The following CLDN1 variants were observed in gnomAD, a reference collection of about 807,000 sequenced individuals.
The protein encoded by CLDN1 is claudin-1.
In CLDN1, 12 loss-of-function variants were observed where a neutral mutation model predicts 22.6. That is an observed-to-expected ratio of 0.53 (90% CI 0.34 to 0.86). The LOEUF (loss-of-function observed/expected upper bound fraction) is 0.86. CLDN1 is among the 40% of genes least tolerant of loss of function. CLDN1 has a pLI of 0.02. For missense variants in CLDN1, 250 were observed against 269.5 expected (o/e 0.93, Z 0.51); for synonymous variants, 99 against 103.8 (o/e 0.95, Z 0.28).
rs1379279429 is a variant in CLDN1, at chr3:190,308,434, T to A, written c.479A>T (p.Glu160Val). The change falls in exon 4 of 4, where the codon GAA (glutamate) becomes GTA (valine). Residue 160 changes from glutamate (E) to valine (V), a missense_variant. Physicochemically the swap from Glu to Val is moderately radical, Grantham distance 121. Transcript: ENST00000295522. ...GCCAGTGAAGAGAGCCTGACCAAAT[T>A]CGTACCTAAAAGGAAAAACCCATGT... ...DPMTPVNARY[E>V]FGQALFTGWA... The A allele has an allele frequency of 6.2e-7, 1 of 1,613,502 alleles. No homozygotes were observed. The highest frequency in any genetic ancestry group is 2.2e-5 in the East Asian group (1 of 44,876).
chr3:190,314,949 T>G (rs1340794956), intron 1 of CLDN1, among the ~76,000 whole-genome samples: 3 of 152,114 alleles, frequency 2.0e-5, no homozygotes, highest in African/African-American at 7.2e-5. Context: ...GACCACAGGT[T>G]TACCAGGAAG....
At chr3:190,317,108 T>C (rs971884217) in intron 1 of CLDN1, among the ~76,000 whole-genome samples, 6 of 152,210 alleles carry the variant, frequency 3.9e-5, no homozygotes, top group Admixed American at 2.6e-4. Flanking sequence ...TTGGATGAGA[T>C]AGATGTTGTA....
rs3774028 is a variant in CLDN1 at position 190,310,483 on chromosome 3, A to T, written c.389-230T>A. Among the ~76,000 whole-genome samples, 38,005 of 152,108 alleles carry T rather than the reference A, an allele frequency of 0.25. 5,755 individuals are homozygous for T. The highest frequency in any genetic ancestry group is 0.36 in the Middle Eastern group (104 of 292). ...TAGACAAAATTTATACTTTTTTATG[A>T]TATCTTGGCACAAATAATTCTTTTT... On this transcript the variant is annotated intron_variant, in intron 2 of 3. Transcript: ENST00000295522.
intron 2 of CLDN1, among the ~76,000 whole-genome samples, chr3:190,312,243 A>G (rs540811508): frequency 6.6e-6 from 1 of 152,178 alleles, no homozygotes; most frequent in Admixed American, 6.6e-5. Context: ...AAAAACACGT[A>G]TTTATTTTAA....
rs1332983370 is a variant in CLDN1, at chr3:190,306,899, A to G, written c.*1378T>C. 6.6e-6 allele frequency: 1 copy of G among 152,664 alleles called. No homozygotes were observed. Among genetic ancestry groups the G allele is most frequent in the Non-Finnish European group, 1.5e-5 (1 of 68,104 alleles). 9.5% of individuals were successfully genotyped at this position (152,664 alleles called of 1,614,324 possible). ...TAGAGAGAGGAAGGCACTGAACCAC[A>G]TGAAGGTATGTGTGTAGGTTTTGTT... On this transcript the variant is annotated 3_prime_UTR_variant, in exon 4 of 4. Coordinates refer to ENST00000295522, the MANE Select transcript of CLDN1 (RefSeq NM_021101.5).
chr3:190,318,282 G>T (rs1003086182), intron 1 of CLDN1, among the ~76,000 whole-genome samples: 7 of 152,116 alleles, frequency 4.6e-5, no homozygotes, highest in African/African-American at 1.7e-4. Flanking sequence ...AATTTTCTCA[G>T]AATTAAGTTG....
In CLDN1 at chr3:190,306,839, A is replaced by G. The variant is rs1716467383; in HGVS notation, c.*1438T>C. On this transcript the variant is annotated 3_prime_UTR_variant, in exon 4 of 4. Coordinates refer to ENST00000295522, the MANE Select transcript of CLDN1 (RefSeq NM_021101.5). Reference sequence around the variant, plus strand: ...GGAAGGCACTGAGCCACATGAAGGTATGTGCGTAGGTTTTGTTCAGTGGAA... The same window carrying G: ...GGAAGGCACTGAGCCACATGAAGGTGTGTGCGTAGGTTTTGTTCAGTGGAA... The G allele has an allele frequency of 6.5e-6, 1 of 152,764 alleles. No homozygotes were observed. Among genetic ancestry groups the G allele is most frequent in the Non-Finnish European group, 1.5e-5 (1 of 68,156 alleles). 9.5% of individuals were successfully genotyped at this position (152,764 alleles called of 1,614,324 possible).
chr3:190,316,019 G>A (rs9848283), intron 1 of CLDN1, among the ~76,000 whole-genome samples: 98,465 of 152,082 alleles, frequency 0.65, 33,515 homozygotes, highest in East Asian at 0.93. Context: ...CATTTGATTC[G>A]TGTCAAATCT....
At position 190,308,092 on chromosome 3, in the gene CLDN1, A is replaced by G; in HGVS notation, c.*185T>C. ...CCTCCTATATTGAGGAAAGAAGATA[A>G]AATAAGATTAAGCCATGTTTAGCAC... On this transcript the variant is annotated 3_prime_UTR_variant, in exon 4 of 4. Coordinates refer to ENST00000295522, the MANE Select transcript of CLDN1 (RefSeq NM_021101.5). 1.5e-6 allele frequency: 1 copy of G among 660,050 alleles called. No homozygotes were observed. Among genetic ancestry groups the G allele is most frequent in the Non-Finnish European group, 2.6e-6 (1 of 388,284 alleles). The allele number at this position is 660,050 out of a possible 1,614,324, so 40.9% of individuals were successfully genotyped here. A position where few individuals can be genotyped will look rare whatever the true frequency, so the allele number is the denominator to read the frequency against.
In CLDN1 at chr3:190,307,150, A is replaced by C. The variant is rs751322968; in HGVS notation, c.*1127T>G. The stretch of plus-strand genomic sequence containing the variant: ...TATCTCAATTTGGCAGATAGAAAAA[A>C]GAGGTAGAAAGATTAAGTGACTTGC... On this transcript the variant is annotated 3_prime_UTR_variant, in exon 4 of 4. Transcript: ENST00000295522. The C allele has an allele frequency of 2.6e-5, 4 of 152,662 alleles. No homozygotes were observed. Among genetic ancestry groups the C allele is most frequent in the Non-Finnish European group, 5.9e-5 (4 of 68,050 alleles). The allele number at this position is 152,662 out of a possible 1,614,324, so 9.5% of individuals were successfully genotyped here.
chr3:190,308,435 C>T lies in CLDN1; in HGVS notation c.478G>A (p.Glu160Lys), dbSNP rs537860492. Residue 160 changes from glutamate (E) to lysine (K), a missense_variant, in exon 4 of 4, where the codon GAA becomes AAA. Transcript: ENST00000295522. ...CCAGTGAAGAGAGCCTGACCAAATT[C>T]GTACCTAAAAGGAAAAACCCATGTG... is the stretch of plus-strand genomic sequence containing the variant. ...DPMTPVNARY[E>K]FGQALFTGWA... is the part of the protein sequence containing the mutation. The T allele has an allele frequency of 1.9e-6, 3 of 1,613,378 alleles. No individual in the cohort carries two copies. Among genetic ancestry groups the T allele is most frequent in the South Asian group, 1.1e-5 (1 of 91,044 alleles).
chr3:190,314,971 G>T lies in CLDN1; in HGVS notation c.224-1935C>A, dbSNP rs57746373. 8.1e-3 allele frequency among the ~76,000 whole-genome samples: 1,228 copies of T among 152,126 alleles called. 14 individuals carry two copies. The highest frequency in any genetic ancestry group is 0.028 in the African/African-American group (1,163 of 41,502). On this transcript the variant is annotated intron_variant, in intron 1 of 3. Coordinates refer to ENST00000295522, the MANE Select transcript of CLDN1 (RefSeq NM_021101.5). ...GGTTTACCAGGAAGGAACTGAAGCT[G>T]CTTGTAAGGTTATTACACAACTTTT...
rs1279441142 is a variant in CLDN1, at chr3:190,306,059, T to G, written c.*2218A>C. ...TCCTCATAAGACACAGTGGCTGACT[T>G]TCCTTGTGTAGTTTATTATGAAGTA... On this transcript the variant is annotated 3_prime_UTR_variant, in exon 4 of 4. Coordinates refer to ENST00000295522, the MANE Select transcript of CLDN1 (RefSeq NM_021101.5). 6.6e-6 allele frequency: 1 copy of G among 152,234 alleles called. No individual in the cohort carries two copies. The highest frequency in any genetic ancestry group is 2.4e-5 in the African/African-American group (1 of 41,470). 9.4% of individuals were successfully genotyped at this position (152,234 alleles called of 1,614,324 possible). A position where few individuals can be genotyped will look rare whatever the true frequency, so the allele number is the denominator to read the frequency against.
Position 190,322,412 on chromosome 3 carries a change from A to C in CLDN1, c.-206T>G. The C allele has an allele frequency of 1.7e-6, 1 of 600,204 alleles. No individual in the cohort carries two copies. Among genetic ancestry groups the C allele is most frequent in the Non-Finnish European group, 3.0e-6 (1 of 336,582 alleles). The allele number at this position is 600,204 out of a possible 1,614,324, so 37.2% of individuals were successfully genotyped here. On this transcript the variant is annotated 5_prime_UTR_variant, in exon 1 of 4. Coordinates refer to ENST00000295522, the MANE Select transcript of CLDN1 (RefSeq NM_021101.5). ...GGCGGCGCTGGAGTCTGGATACTAG[A>C]AGCTGCGGTTGCTCCCAGGCTCGGG... is the stretch of plus-strand genomic sequence containing the variant.
Position 190,312,927 on chromosome 3 carries a change from A to G in CLDN1, c.333T>C (p.Asp111=), listed in dbSNP as rs984179173. 3 of 1,614,182 alleles carry G rather than the reference A, an allele frequency of 1.9e-6. No homozygotes were observed. Among genetic ancestry groups the G allele is most frequent in the Non-Finnish European group, 1.7e-6 (2 of 1,180,028 alleles). ...GMKCMKCLED[D]EVQKMRMAVI... ...CAGCCATCCTCATCTTCTGCACCTC[A>G]TCGTCTTCCAAGCACTTCATACACT... Residue 111 remains aspartate, a synonymous_variant, in exon 2 of 4, where the codon GAT becomes GAC. Coordinates refer to ENST00000295522, the MANE Select transcript of CLDN1 (RefSeq NM_021101.5).
chr3:190,315,759 C>A (rs1375558403), intron 1 of CLDN1, among the ~76,000 whole-genome samples: 1 of 152,158 alleles, frequency 6.6e-6, no homozygotes, highest in East Asian at 1.9e-4. Flanking sequence ...TCACACTGAT[C>A]TTTTCTTCAA....
intron 3 of CLDN1, among the ~76,000 whole-genome samples, chr3:190,309,253 G>T (rs1716546040): frequency 6.6e-6 from 1 of 152,158 alleles, no homozygotes. Context: ...TTTATAAAGT[G>T]CTTTCCTGTG....
intron 2 of CLDN1, among the ~76,000 whole-genome samples, chr3:190,311,684 AT>A (rs1716622897): frequency 6.6e-6 from 1 of 151,152 alleles, no homozygotes; most frequent in Non-Finnish European, 1.5e-5. Flanking sequence ...ATAGTAGTCT[AT>A]TATTATAGCT....
chr3:190,314,189 T>C (rs1379082076), intron 1 of CLDN1, among the ~76,000 whole-genome samples: 4 of 152,186 alleles, frequency 2.6e-5, no homozygotes, highest in Non-Finnish European at 5.9e-5. Context: ...TCCTTGATGG[T>C]CTTTAAAAGT....
Sources: allele counts gnomAD v4.1 joint callset (sites outside exome capture counted in the v4.1 genomes callset), GRCh38; gene constraint gnomAD v4.1.1; transcripts MANE v1.5; gene names NCBI Gene and HGNC (gene_info 2026-07-23, HGNC 2026-07-21).